MEGF6: variants seen among roughly 807,000 people sequenced by gnomAD.
MEGF6 encodes the protein multiple EGF like domains 6.
In MEGF6, 184 loss-of-function variants were observed where a neutral mutation model predicts 207.1. The ratio of observed to expected loss-of-function variants is 0.89; its 90% CI spans 0.79 to 1.00. The LOEUF (loss-of-function observed/expected upper bound fraction) is 1.00. Ranked by LOEUF, MEGF6 falls within the 50% of genes least tolerant of loss-of-function variation. The pLI is 0.00. For missense variants in MEGF6, 2,282 were observed against 2,202.9 expected (o/e 1.04, Z -0.72); for synonymous variants, 1,038 against 910.0 (o/e 1.14, Z -2.53).
intron 5 of MEGF6, among the ~76,000 whole-genome samples, chr1:3,516,664 C>T (rs764751305): frequency 2.6e-5 from 4 of 152,168 alleles, no homozygotes; most frequent in African/African-American, 7.2e-5. Flanking sequence ...GAGGGGAGGG[C>T]GGTCAGAGGT....
At chr1:3,500,325 T>C (rs1340031282) in intron 21 of MEGF6, among the ~76,000 whole-genome samples, 1 of 152,198 alleles carries the variant, frequency 6.6e-6, no homozygotes, top group Non-Finnish European at 1.5e-5. Context: ...CTGCTGCGGC[T>C]CCAAGTGAGC....
At chr1:3,545,916 C>T (rs2101550235) in intron 4 of MEGF6, among the ~76,000 whole-genome samples, 1 of 152,364 alleles carries the variant, frequency 6.6e-6, no homozygotes, top group African/African-American at 2.4e-5. Context: ...CCCACCTCCC[C>T]TGACCCCAAG....
At chr1:3,529,360 C>G (rs1165484013) in intron 4 of MEGF6, among the ~76,000 whole-genome samples, 3 of 152,186 alleles carry the variant, frequency 2.0e-5, no homozygotes, top group Admixed American at 2.0e-4. Context: ...AACGGCCCAC[C>G]CTGGAGGCAA....
chr1:3,564,417 C>G (rs1156324345), intron 4 of MEGF6, among the ~76,000 whole-genome samples: 1 of 152,086 alleles, frequency 6.6e-6, no homozygotes, highest in African/African-American at 2.4e-5. Context: ...TCACAAAAGA[C>G]TGCATTGTAA....
At chr1:3,528,577 T>C (rs1642043059) in intron 4 of MEGF6, among the ~76,000 whole-genome samples, 1 of 152,140 alleles carries the variant, frequency 6.6e-6, no homozygotes, top group Admixed American at 6.5e-5. Context: ...TCCTGGCATA[T>C]CCAGGTGGGC....
chr1:3,558,557 G>A (rs938459155), intron 4 of MEGF6, among the ~76,000 whole-genome samples: 21 of 152,204 alleles, frequency 1.4e-4, no homozygotes, highest in South Asian at 1.0e-3. Flanking sequence ...CAAGACGTGC[G>A]TTTTCCCTAT....
At chr1:3,618,228 G>C in the MEGF6 span, among the ~76,000 whole-genome samples, 114,137 of 151,840 alleles carry the variant, frequency 0.75, 43,286 homozygotes, top group East Asian at 0.98. The surrounding 1 kb of genome is among the most constrained non-coding windows in gnomAD (Gnocchi z 4.7). Flanking sequence ...GGTGTGGGCC[G>C]CACCCTGCCT....
chr1:3,583,175 C>G (rs750161656), intron 3 of MEGF6, among the ~76,000 whole-genome samples: 10 of 152,286 alleles, frequency 6.6e-5, no homozygotes, highest in African/African-American at 2.4e-4. Context: ...AACAAAGATG[C>G]GCAAAGCTGC....
Position 3,510,763 on chromosome 1 carries a change from A to G in MEGF6, c.1234+20T>C. ...TGCTCCCAGGCCACCCCAGCTGTGC[A>G]GTGGCAGGGCAGTGCTCACCCTCAC... On this transcript the variant is annotated intron_variant, in intron 10 of 36. Coordinates refer to ENST00000356575, the MANE Select transcript of MEGF6 (RefSeq NM_001409.4). The G allele has an allele frequency of 1.9e-6, 3 of 1,586,550 alleles. No homozygotes were observed. The highest frequency in any genetic ancestry group is 2.6e-6 in the Non-Finnish European group (3 of 1,161,170).
rs568660968 is a variant in MEGF6 at position 3,497,382 on chromosome 1, C to T, written c.3353-21G>A. The stretch of plus-strand genomic sequence containing the variant: ...GCAGGCTGCAGAAAGATGAGGGCTG[C>T]GGAGGCTTCTAGGAGGGGCCCGTGG... On this transcript the variant is annotated intron_variant, in intron 26 of 36. Coordinates refer to ENST00000356575, the MANE Select transcript of MEGF6 (RefSeq NM_001409.4). The T allele has an allele frequency of 8.7e-5, 132 of 1,516,500 alleles. No homozygotes were observed. In the Middle Eastern group the frequency reaches 9.1e-4, roughly 10 times the overall value. The allele number at this position is 1,516,500 out of a possible 1,614,324, so 93.9% of individuals were successfully genotyped here.
chr1:3,501,983 T>G, intron 17 of MEGF6, 62 bp from the exon 18 acceptor site: 6 of 975,606 alleles, frequency 6.2e-6, no homozygotes, highest in Non-Finnish European at 7.3e-6. Flanking sequence ...CCAGAGCCTT[T>G]CCCCCAGGGG....
At chr1:3,542,369 T>C (rs1272297255) in intron 4 of MEGF6, among the ~76,000 whole-genome samples, 1 of 152,224 alleles carries the variant, frequency 6.6e-6, no homozygotes, top group Admixed American at 6.5e-5. Flanking sequence ...TAGGTGGGAA[T>C]GTTCACAGGA....
rs1641079805 is a variant in MEGF6, at chr1:3,505,487, G to A, written c.1988C>T (p.Ser663Phe). 5 of 1,608,380 alleles carry A rather than the reference G, an allele frequency of 3.1e-6. No individual in the cohort carries two copies. The part of the protein sequence containing the change: ...ECQCVQPHTQ[S>F]CDKRDGSCSC... Reference sequence around the variant, plus strand: ...GCAGCTGCCATCCCTCTTGTCACAGGACTGCGTGTGGGGCTGCACACACTG... The same window carrying A: ...GCAGCTGCCATCCCTCTTGTCACAGAACTGCGTGTGGGGCTGCACACACTG... Residue 663 changes from serine (S) to phenylalanine (F), a missense_variant, in exon 16 of 37, where the codon TCC becomes TTC. Physicochemically the swap from Ser to Phe is radical, Grantham distance 155. Transcript: ENST00000356575.
At chr1:3,582,454 C>T (rs1001215534) in intron 3 of MEGF6, among the ~76,000 whole-genome samples, 2 of 152,318 alleles carry the variant, frequency 1.3e-5, no homozygotes, top group Middle Eastern at 3.4e-3. Flanking sequence ...CTCTCCACCT[C>T]GTCTCCTCCA....
chr1:3,555,184 G>A (rs907849418), intron 4 of MEGF6, among the ~76,000 whole-genome samples: 2 of 38,570 alleles, frequency 5.2e-5, no homozygotes, highest in African/African-American at 2.2e-4. Context: ...CCCACCCAGG[G>A]CTATGGATCA....
chr1:3,577,932 G>A (rs962600101), intron 4 of MEGF6, among the ~76,000 whole-genome samples: 4 of 152,216 alleles, frequency 2.6e-5, no homozygotes, highest in African/African-American at 4.8e-5. Flanking sequence ...TGTGCAGCCC[G>A]CAGTGAGCCT....
At chr1:3,618,217 C>G in the MEGF6 span, among the ~76,000 whole-genome samples, 538 of 152,318 alleles carry the variant, frequency 3.5e-3, 3 homozygotes, top group Admixed American at 8.2e-3. This position sits in a 1 kb window ranked among gnomAD's most constrained non-coding sequence, Gnocchi z 4.7. Flanking sequence ...AAGGTCAGAG[C>G]GGTGTGGGCC....
chr1:3,531,766 G>A (rs1306829524), intron 4 of MEGF6, among the ~76,000 whole-genome samples: 1 of 152,008 alleles, frequency 6.6e-6, no homozygotes, highest in African/African-American at 2.4e-5. Context: ...GAGCCAACAC[G>A]GAAAAGAAGC....
At chr1:3,570,761 C>T (rs535546252) in intron 4 of MEGF6, among the ~76,000 whole-genome samples, 1 of 152,358 alleles carries the variant, frequency 6.6e-6, no homozygotes, top group Admixed American at 6.5e-5. Context: ...CCACAACTGG[C>T]CTAGCAGGAA....
Sources: allele counts gnomAD v4.1 joint callset (sites outside exome capture counted in the v4.1 genomes callset), GRCh38; gene constraint gnomAD v4.1.1; non-coding constraint Gnocchi (gnomAD v3.1); transcripts MANE v1.5; gene names NCBI Gene and HGNC (gene_info 2026-07-23, HGNC 2026-07-21).